Variants in CAST observed in about 807,000 individuals in gnomAD.
CAST encodes the protein MIR583 host.
CAST carries 76 observed loss-of-function variants against 119.6 expected under a neutral mutation model. The observed-to-expected ratio is 0.64, with a 90% CI of 0.53 to 0.77. The LOEUF (loss-of-function observed/expected upper bound fraction) is 0.77, where lower values mean the gene tolerates loss of function less well. CAST is among the 30% of genes least tolerant of loss of function. CAST has a pLI of 0.00. For missense variants in CAST, 953 were observed against 946.5 expected (o/e 1.01, Z -0.09); for synonymous variants, 319 against 331.6 (o/e 0.96, Z 0.41).
the CAST span, among the ~76,000 whole-genome samples, chr5:96,356,285 C>T: frequency 6.6e-6 from 1 of 152,064 alleles, no homozygotes; most frequent in African/African-American, 2.4e-5. Flanking sequence ...CTGTAGGTTG[C>T]CTGTTCACTC....
At chr5:96,076,833 T>A in the CAST span, among the ~76,000 whole-genome samples, 2 of 152,096 alleles carry the variant, frequency 1.3e-5, no homozygotes, top group African/African-American at 4.8e-5. Context: ...TAAATTCCCA[T>A]TATTTTTAAT....
chr5:96,522,017 C>T (rs544171140), upstream of CAST, among the ~76,000 whole-genome samples: 2 of 151,844 alleles, frequency 1.3e-5, no homozygotes, highest in African/African-American at 4.8e-5. Context: ...TTGGGAGGCT[C>T]AGGCAGGAGA....
At chr5:96,090,535 C>G in the CAST span, among the ~76,000 whole-genome samples, 1 of 152,080 alleles carries the variant, frequency 6.6e-6, no homozygotes, top group African/African-American at 2.4e-5. Flanking sequence ...TTCAGGGGGA[C>G]TAAACAGCCA....
the CAST span, among the ~76,000 whole-genome samples, chr5:96,034,283 A>C: frequency 1.3e-5 from 2 of 152,024 alleles, no homozygotes; most frequent in Non-Finnish European, 2.9e-5. Flanking sequence ...TAGAGTGGCT[A>C]CTATAAAAAT....
At chr5:96,431,356 T>A in the CAST span, among the ~76,000 whole-genome samples, 2 of 152,200 alleles carry the variant, frequency 1.3e-5, no homozygotes, top group African/African-American at 4.8e-5. Context: ...AAATGTTTTC[T>A]CCTTTGGGCA....
intron 1 of CAST, among the ~76,000 whole-genome samples, chr5:96,675,260 T>G (rs1750566203): frequency 6.6e-6 from 1 of 152,164 alleles, no homozygotes; most frequent in Admixed American, 6.5e-5. Flanking sequence ...AGCTTAAAAT[T>G]CGTGAGGCAT....
At chr5:96,102,579 G>C in the CAST span, among the ~76,000 whole-genome samples, 1 of 152,184 alleles carries the variant, frequency 6.6e-6, no homozygotes, top group South Asian at 2.1e-4. Flanking sequence ...TTGGCTCGAA[G>C]GTGGAGTTTT....
At chr5:96,493,071 T>G in the CAST span, among the ~76,000 whole-genome samples, 1 of 152,224 alleles carries the variant, frequency 6.6e-6, no homozygotes, top group South Asian at 2.1e-4. Flanking sequence ...ATAATTTTAT[T>G]TTCTATACAC....
intron 1 of CAST, among the ~76,000 whole-genome samples, chr5:96,607,711 C>T (rs561208782): frequency 6.6e-6 from 1 of 151,372 alleles, no homozygotes; most frequent in African/African-American, 2.4e-5. Flanking sequence ...TTCTTTAAGT[C>T]AGTTGGTCTG....
the CAST span, among the ~76,000 whole-genome samples, chr5:96,368,078 T>TTTG: frequency 1.3e-5 from 2 of 152,160 alleles, no homozygotes; most frequent in Non-Finnish European, 2.9e-5. Context: ...GCAAATGTAT[T>TTTG]CATAACTGAA....
the CAST span, among the ~76,000 whole-genome samples, chr5:96,499,123 G>C: frequency 1.3e-5 from 2 of 150,976 alleles, no homozygotes; most frequent in African/African-American, 2.4e-5. Context: ...TTTAAAAAAA[G>C]AACAGAATCA....
chr5:96,470,508 A>G, the CAST span, among the ~76,000 whole-genome samples: 2 of 152,096 alleles, frequency 1.3e-5, no homozygotes, highest in South Asian at 4.1e-4. Flanking sequence ...TGCTGTATCA[A>G]TACCAGATTT....
intron 1 of CAST, among the ~76,000 whole-genome samples, chr5:96,552,307 C>T (rs1358808889): frequency 1.3e-5 from 2 of 152,152 alleles, no homozygotes; most frequent in South Asian, 2.1e-4. Context: ...ACAACCTGCT[C>T]CTGAACGACT....
chr5:96,187,020 T>C, the CAST span, among the ~76,000 whole-genome samples: 2 of 152,232 alleles, frequency 1.3e-5, no homozygotes, highest in African/African-American at 2.4e-5. Flanking sequence ...ACTGCCTCAA[T>C]TTCAGAACTC....
At chr5:96,474,163 GA>G in the CAST span, among the ~76,000 whole-genome samples, 1 of 152,170 alleles carries the variant, frequency 6.6e-6, no homozygotes, top group Non-Finnish European at 1.5e-5. Flanking sequence ...CAGAAAATGA[GA>G]GTGTTAAAAT....
chr5:96,541,266 G>T (rs1745907296), intron 1 of CAST, among the ~76,000 whole-genome samples: 1 of 151,656 alleles, frequency 6.6e-6, no homozygotes, highest in African/African-American at 2.4e-5. Flanking sequence ...TCCAGCTTTG[G>T]CTACTAAGAG....
the CAST span, among the ~76,000 whole-genome samples, chr5:96,498,042 G>A: frequency 6.6e-6 from 1 of 152,156 alleles, no homozygotes; most frequent in Non-Finnish European, 1.5e-5. Flanking sequence ...TTTTGTATAA[G>A]GTGTAAGAAA....
the CAST span, among the ~76,000 whole-genome samples, chr5:96,279,097 C>A: frequency 6.6e-6 from 1 of 152,062 alleles, no homozygotes; most frequent in African/African-American, 2.4e-5. Context: ...TCTTTTTCTG[C>A]CAAATATCTG....
At chr5:96,324,986 C>T in the CAST span, among the ~76,000 whole-genome samples, 10 of 152,266 alleles carry the variant, frequency 6.6e-5, no homozygotes, top group East Asian at 1.9e-4. Flanking sequence ...GGGTGAATCA[C>T]TTGAGCTCAG....
Sources: gnomAD v4.1 joint callset for allele counts (sites outside exome capture counted in the v4.1 genomes callset) on GRCh38, gnomAD v4.1.1 for gene constraint, MANE v1.5 for transcripts, NCBI Gene and HGNC (gene_info 2026-07-23, HGNC 2026-07-21) for gene names.